The following BBS9 variants were observed in gnomAD, a reference collection of about 807,000 sequenced individuals.
The protein encoded by BBS9 is Bardet-Biedl syndrome 9.
A neutral mutation model predicts 117.7 loss-of-function variants in BBS9; 89 were observed. The observed-to-expected ratio is 0.76, with a 90% confidence interval of 0.64 to 0.90. BBS9 has a LOEUF of 0.90. Ranked by LOEUF, BBS9 falls within the 40% of genes least tolerant of loss-of-function variation. The pLI is 0.00. For missense variants in BBS9, 982 were observed against 1,042.2 expected (o/e 0.94, Z 0.80); for synonymous variants, 379 against 370.9 (o/e 1.02, Z -0.25).
chr7:33,244,932 A>G (rs1795099509), intron 5 of BBS9, among the ~76,000 whole-genome samples: 1 of 152,174 alleles, frequency 6.6e-6, no homozygotes, highest in Non-Finnish European at 1.5e-5. Context: ...CTTTGGAAAC[A>G]GGGAACAGTC....
At chr7:33,453,042 A>C (rs1192287349) in intron 19 of BBS9, among the ~76,000 whole-genome samples, 1 of 152,240 alleles carries the variant, frequency 6.6e-6, no homozygotes, top group Non-Finnish European at 1.5e-5. Context: ...TTCCTTCAAA[A>C]TAATATGTTT....
chr7:33,443,940 G>A (rs1195336940), intron 19 of BBS9, among the ~76,000 whole-genome samples: 1 of 152,180 alleles, frequency 6.6e-6, no homozygotes, highest in Non-Finnish European at 1.5e-5. Flanking sequence ...ATCAGTGAAG[G>A]TGTTTGAATT....
At chr7:33,167,188 C>T (rs1371181790) in intron 4 of BBS9, among the ~76,000 whole-genome samples, 1 of 152,184 alleles carries the variant, frequency 6.6e-6, no homozygotes, top group Non-Finnish European at 1.5e-5. Context: ...ACAGTTGTTT[C>T]TCCAATTTAG....
chr7:33,488,242 C>G (rs893900657), intron 19 of BBS9, among the ~76,000 whole-genome samples: 1 of 152,108 alleles, frequency 6.6e-6, no homozygotes, highest in African/African-American at 2.4e-5. Flanking sequence ...CAAGCTCATG[C>G]CTTGTAGGTA....
chr7:33,229,409 C>CAAAA (rs1791905047), intron 5 of BBS9, among the ~76,000 whole-genome samples: 1 of 152,056 alleles, frequency 6.6e-6, no homozygotes, highest in Non-Finnish European at 1.5e-5. Context: ...CCCCTGGAAA[C>CAAAA]CACTGTTTTG....
intron 9 of BBS9, among the ~76,000 whole-genome samples, chr7:33,335,947 C>A (rs1815268532): frequency 6.6e-6 from 1 of 151,872 alleles, no homozygotes; most frequent in Admixed American, 6.6e-5. Context: ...TTTCGCAAGA[C>A]CTCCGATGGC....
At chr7:33,237,599 G>A (rs1367188228) in intron 5 of BBS9, among the ~76,000 whole-genome samples, 1 of 152,104 alleles carries the variant, frequency 6.6e-6, no homozygotes, top group Non-Finnish European at 1.5e-5. Context: ...ATTCTAGAAA[G>A]TTTGCAGAGA....
At position 33,440,004 on chromosome 7, in the gene BBS9, A is replaced by G. The variant is rs564551680; in HGVS notation, c.2115+51860A>G. On this transcript the variant is annotated intron_variant, in intron 19 of 22. Transcript: ENST00000242067. Reference sequence around the variant, plus strand: ...TGTCTAGAGCAGTACACTGTATACCAGGAGAAATTTGATATGAAATAAGGT... The same window carrying G: ...TGTCTAGAGCAGTACACTGTATACCGGGAGAAATTTGATATGAAATAAGGT... Among the ~76,000 whole-genome samples the G allele has an allele frequency of 4.6e-5, 7 of 152,350 alleles. No individual in the cohort carries two copies. In the South Asian group the frequency reaches 1.4e-3, roughly 32 times the overall value.
chr7:33,435,656 G>T (rs1835194816), intron 19 of BBS9, among the ~76,000 whole-genome samples: 2 of 152,170 alleles, frequency 1.3e-5, no homozygotes, highest in Admixed American at 1.3e-4. Context: ...GCAATATCCT[G>T]TGTTTGCAAC....
chr7:33,228,580 A>G (rs2074016278), intron 5 of BBS9, among the ~76,000 whole-genome samples: 1 of 152,116 alleles, frequency 6.6e-6, no homozygotes, highest in Non-Finnish European at 1.5e-5. Context: ...AAAATTAACT[A>G]TTATTAGCCT....
intron 9 of BBS9, among the ~76,000 whole-genome samples, chr7:33,332,635 C>A (rs150537420): frequency 4.7e-4 from 72 of 152,104 alleles, no homozygotes; most frequent in East Asian, 4.4e-3. Flanking sequence ...TGAGATCACG[C>A]CACTGCATTC....
intron 20 of BBS9, among the ~76,000 whole-genome samples, chr7:33,509,924 G>T (rs1474727086): frequency 1.3e-5 from 2 of 152,174 alleles, no homozygotes; most frequent in Non-Finnish European, 2.9e-5. Context: ...TCTCTTTAAT[G>T]ATGCCTTTCC....
At chr7:33,477,067 G>T (rs1841901456) in intron 19 of BBS9, among the ~76,000 whole-genome samples, 1 of 152,142 alleles carries the variant, frequency 6.6e-6, no homozygotes, top group African/African-American at 2.4e-5. Flanking sequence ...TACTAGCCTT[G>T]TGGCCTTGAG....
At chr7:33,343,587 C>T (rs1288146119) in intron 11 of BBS9, among the ~76,000 whole-genome samples, 5 of 152,122 alleles carry the variant, frequency 3.3e-5, no homozygotes. Flanking sequence ...CAACCTCCGC[C>T]TCCCGGGTTC....
intron 12 of BBS9, among the ~76,000 whole-genome samples, chr7:33,346,784 C>T (rs1017697310): frequency 2.0e-5 from 3 of 152,172 alleles, no homozygotes; most frequent in Non-Finnish European, 1.5e-5. Context: ...AAGTAGACAT[C>T]GTTGTGCCAG....
intron 5 of BBS9, among the ~76,000 whole-genome samples, chr7:33,229,897 T>C (rs987136210): frequency 1.1e-4 from 16 of 152,034 alleles, no homozygotes; most frequent in Non-Finnish European, 2.1e-4. Context: ...GAGTTCCCCT[T>C]TCTCTACACC....
intron 5 of BBS9, among the ~76,000 whole-genome samples, chr7:33,188,297 G>T (rs938253381): frequency 2.0e-5 from 3 of 152,158 alleles, no homozygotes; most frequent in South Asian, 4.2e-4. Context: ...TTGCCCAAAG[G>T]TTGAACCATT....
intron 9 of BBS9, among the ~76,000 whole-genome samples, chr7:33,315,680 A>G (rs1373535380): frequency 2.0e-5 from 3 of 152,176 alleles, no homozygotes; most frequent in Non-Finnish European, 4.4e-5. Flanking sequence ...TAGAGTTAAA[A>G]TGTTAGGCAG....
intron 5 of BBS9, among the ~76,000 whole-genome samples, chr7:33,211,769 A>G (rs1236690113): frequency 6.6e-6 from 1 of 152,264 alleles, no homozygotes; most frequent in East Asian, 1.9e-4. Flanking sequence ...TTCTTGTAGG[A>G]CAGTTCTGGT....
Sources: allele counts gnomAD v4.1 joint callset (sites outside exome capture counted in the v4.1 genomes callset), GRCh38; gene constraint gnomAD v4.1.1; transcripts MANE v1.5; gene names NCBI Gene and HGNC (gene_info 2026-07-23, HGNC 2026-07-21).